The following SPTBN5 variants were observed in gnomAD, a reference collection of about 807,000 sequenced individuals.
SPTBN5 encodes spectrin beta, non-erythrocytic 5, also known as spectrin beta chain, non-erythrocytic 5.
A neutral mutation model predicts 477.6 loss-of-function variants in SPTBN5; 513 were observed. The ratio of observed to expected loss-of-function variants is 1.07; its 90% confidence interval spans 1.00 to 1.16. SPTBN5 has a LOEUF of 1.16. Ranked by LOEUF, SPTBN5 falls within the 50% of genes most tolerant of loss-of-function variation. The probability of loss-of-function intolerance (pLI) is 0.00; values close to 1 mark genes in which losing one functional copy is unlikely to be tolerated. For missense variants in SPTBN5, 5,062 were observed against 4,731.8 expected, an observed-to-expected ratio of 1.07 and a Z score of -2.05; for synonymous variants, 2,169 against 2,011.7, an observed-to-expected ratio of 1.08 and a Z score of -2.09.
chr15:41,863,627 G>A, intron 41 of SPTBN5, 77 bp downstream of exon 41: 2 of 1,171,332 alleles, frequency 1.7e-6, no homozygotes, highest in South Asian at 2.6e-5. Context: ...GGAGACGCAT[G>A]GGAGACTCTA....
At position 41,860,822 on chromosome 15, in the gene SPTBN5, C is replaced by T. The variant is rs145768670; in HGVS notation, c.7816-64G>A. 5.7e-6 allele frequency: 8 copies of T among 1,393,846 alleles called. No homozygotes were observed. The African/African-American group carries it at 7.4e-5, about 13-fold the overall frequency. The allele number at this position is 1,393,846 out of a possible 1,614,324, so 86.3% of individuals were successfully genotyped here. A position where few individuals can be genotyped will look rare whatever the true frequency, so the allele number is the denominator to read the frequency against. The stretch of plus-strand genomic sequence containing the variant: ...CCCCCTCCCATCCCAGGCTACCTGC[C>T]TTCCCACCTAGAACCATCCTACCAA... On this transcript the variant is annotated intron_variant, in intron 46 of 67. Coordinates refer to ENST00000320955, the MANE Select transcript of SPTBN5 (RefSeq NM_016642.4).
At position 41,874,376 on chromosome 15, in the gene SPTBN5, C is replaced by T; in HGVS notation, c.4605G>A (p.Trp1535Ter). 6.2e-7 allele frequency: 1 copy of T among 1,613,806 alleles called. No individual in the cohort carries two copies. Among genetic ancestry groups the T allele is most frequent in the Non-Finnish European group, 8.5e-7 (1 of 1,179,862 alleles). The change falls in exon 24 of 68, where the codon TGG becomes TGA. Residue 1535 changes from tryptophan to a stop codon, truncating the protein, a stop_gained. Transcript: ENST00000320955. LOFTEE classifies it high-confidence loss of function. ...FCHLSNMELS[W>*]VAEHMPHGSP... is the part of the protein sequence containing the mutation. ...TGCCATGGGGCATGTGCTCGGCTAC[C>T]CAAGAGAGCTCCATGTTGCTCAGGT...
rs2065910466 is a variant in SPTBN5, at chr15:41,855,637, T to C, written c.9130A>G (p.Thr3044Ala). 6.2e-7 allele frequency: 1 copy of C among 1,609,354 alleles called. No homozygotes were observed. Among genetic ancestry groups the C allele is most frequent in the Non-Finnish European group, 8.5e-7 (1 of 1,179,292 alleles). ...TQALLRRLEA[T>A]KRDLEAFSPR... ...CTGAACGCTTCCAGGTCTCTCTTGG[T>C]GGCCTCCAGCCGCCGCAGAAGGGCC... Residue 3044 changes from threonine (T) to alanine (A), a missense_variant, in exon 54 of 68, where the codon ACC becomes GCC. By Grantham distance (58) the Thr-to-Ala change is moderately conservative (BLOSUM62 0). Transcript: ENST00000320955.
At chr15:41,878,932 G>C (rs981513695) in intron 16 of SPTBN5, among the ~76,000 whole-genome samples, 4 of 152,224 alleles carry the variant, frequency 2.6e-5, no homozygotes, top group African/African-American at 4.8e-5. Flanking sequence ...CAGGCATGGT[G>C]GTGGGCGCCT....
intron 26 of SPTBN5, 113 bp from the exon 27 acceptor site, chr15:41,872,572 G>T: frequency 8.7e-7 from 1 of 1,153,780 alleles, no homozygotes; most frequent in Non-Finnish European, 1.2e-6. Flanking sequence ...CCACTCACAC[G>T]CCCATCCATC....
At chr15:41,867,356 TC>T (rs1232499637) in intron 35 of SPTBN5, among the ~76,000 whole-genome samples, 181 bp downstream of exon 35, 1 of 151,898 alleles carries the variant, frequency 6.6e-6, no homozygotes, top group Non-Finnish European at 1.5e-5. Context: ...GTGGCCCATC[TC>T]CCCCTGGGCC....
In SPTBN5 at chr15:41,875,527, G is replaced by A; in HGVS notation, c.4218C>T (p.Arg1406=). Residue 1406 remains arginine, a synonymous_variant, in exon 22 of 68, where the codon CGC becomes CGT. Transcript: ENST00000320955. ...GLRSKWEALN[R]KMTERGDELQ... ...GCTCGTCCCCACGCTCAGTCATCTT[G>A]CGGTTCAAAGCTTCCCACTTGCTTC... is the stretch of plus-strand genomic sequence containing the variant. 6.2e-7 allele frequency: 1 copy of A among 1,612,250 alleles called. No homozygotes were observed. The highest frequency in any genetic ancestry group is 1.1e-5 in the South Asian group (1 of 90,454).
rs1595457841 is a variant in SPTBN5, at chr15:41,861,512, A to G, written c.7738-16T>C. 6.2e-7 allele frequency: 1 copy of G among 1,613,016 alleles called. No individual in the cohort carries two copies. Among genetic ancestry groups the G allele is most frequent in the Middle Eastern group, 1.6e-4 (1 of 6,062 alleles). ...TCAGAAACAGCTGAGAACAAAGGAA[A>G]AGGCAAGAGACAGTCGGTGGAGGGT... On this transcript the variant is annotated splice_polypyrimidine_tract_variant and intron_variant, in intron 45 of 67. Coordinates refer to ENST00000320955, the MANE Select transcript of SPTBN5 (RefSeq NM_016642.4).
In SPTBN5 at chr15:41,863,928, G is replaced by A. The variant is rs752208144; in HGVS notation, c.7015C>T (p.Arg2339Ter). 43 of 1,613,724 alleles carry A rather than the reference G, an allele frequency of 2.7e-5. No individual in the cohort carries two copies. The highest frequency in any genetic ancestry group is 1.7e-4 in the Admixed American group (10 of 60,004). Residue 2339 changes from arginine to a stop codon, truncating the protein, a stop_gained, in exon 40 of 68, where the codon CGA becomes TGA. Coordinates refer to ENST00000320955, the MANE Select transcript of SPTBN5 (RefSeq NM_016642.4). LOFTEE classifies it high-confidence loss of function. ...ACTGGCCTGTTGTTGAGCTGGCTTC[G>A]CCGCTGGCAGATGATCTTGACTTCC... ...PEEVKIICQR[R>*]SQLNNRWASF...
At chr15:41,876,698 C>T (rs2066745588) in intron 19 of SPTBN5, 51 bp from the exon 20 acceptor site, 1 of 1,586,852 alleles carries the variant, frequency 6.3e-7, no homozygotes, top group Non-Finnish European at 8.6e-7. Context: ...ACTCCCACCC[C>T]AGCACGAGGT....
In SPTBN5 at chr15:41,862,640, G is replaced by A. The variant is rs1469790744; in HGVS notation, c.7284C>T (p.Gly2428=). The A allele has an allele frequency of 1.3e-6, 2 of 1,554,760 alleles. No homozygotes were observed. Among genetic ancestry groups the A allele is most frequent in the African/African-American group, 1.4e-5 (1 of 73,612 alleles). Residue 2428 remains glycine, a synonymous_variant, in exon 43 of 68, where the codon GGC becomes GGT. Coordinates refer to ENST00000320955, the MANE Select transcript of SPTBN5 (RefSeq NM_016642.4). ...CCTCGGGGCTTCTTTGGCAGAGGCG[G>A]CCCACTTCACGCTCTAGGGACTGCG... ...AQVESLEREV[G]RLCQRSPEAA...
At position 41,853,669 on chromosome 15, in the gene SPTBN5, G is replaced by C. The variant is rs1443217391; in HGVS notation, c.9893C>G (p.Thr3298Ser). 1 of 1,600,406 alleles carries C rather than the reference G, an allele frequency of 6.2e-7. No homozygotes were observed. The highest frequency in any genetic ancestry group is 1.1e-5 in the South Asian group (1 of 90,194). The part of the protein sequence containing the change: ...GLAKVQEAWA[T>S]LQAKAQERGQ... The stretch of plus-strand genomic sequence containing the variant: ...TCGCTCCTGGGCCTTCGCCTGCAGG[G>C]TGGCCCAGGCCTCCTGCACCTTGGC... Residue 3298 changes from threonine (T) to serine (S), a missense_variant, in exon 58 of 68, where the codon ACC becomes AGC. Transcript: ENST00000320955.
At chr15:41,872,525 C>T in intron 26 of SPTBN5, 66 bp from the exon 27 acceptor site, 1 of 1,489,196 alleles carries the variant, frequency 6.7e-7, no homozygotes, top group Non-Finnish European at 9.0e-7. Context: ...TGTCCGTCCC[C>T]CACCCATCCA....
At chr15:41,866,864 C>A in intron 36 of SPTBN5, 95 bp downstream of exon 36, 5 of 1,424,200 alleles carry the variant, frequency 3.5e-6, no homozygotes, top group Non-Finnish European at 4.6e-6. Flanking sequence ...CACCCCCGAA[C>A]CTGTTTCCGC....
Position 41,866,174 on chromosome 15 carries a change from C to G in SPTBN5, c.6686G>C (p.Arg2229Pro). 2 of 1,571,610 alleles carry G rather than the reference C, an allele frequency of 1.3e-6. No homozygotes were observed. Among genetic ancestry groups the G allele is most frequent in the Non-Finnish European group, 1.7e-6 (2 of 1,160,068 alleles). ...SHPRAGEVSQ[R>P]LQGLRKHWED... Reference sequence around the variant, plus strand: ...CCAGTGCTTCCGCAGGCCCTGCAGCCGCTGGGAGACCTCTCCGGCTCGAGG... The same window carrying G: ...CCAGTGCTTCCGCAGGCCCTGCAGCGGCTGGGAGACCTCTCCGGCTCGAGG... Residue 2229 changes from arginine to proline, a missense_variant, in exon 38 of 68, where the codon CGG becomes CCG. Arg to Pro is a moderately radical substitution (Grantham distance 103). Coordinates refer to ENST00000320955, the MANE Select transcript of SPTBN5 (RefSeq NM_016642.4).
At chr15:41,854,695 G>T in intron 56 of SPTBN5, 87 bp downstream of exon 56, 1 of 1,217,580 alleles carries the variant, frequency 8.2e-7, no homozygotes, top group African/African-American at 1.5e-5. Flanking sequence ...TGTCTTGTTG[G>T]AACCAAAGCC....
rs759265201 is a variant in SPTBN5, at chr15:41,855,442, G to A, written c.9219-14C>T. On this transcript the variant is annotated splice_polypyrimidine_tract_variant and intron_variant, in intron 54 of 67. Coordinates refer to ENST00000320955, the MANE Select transcript of SPTBN5 (RefSeq NM_016642.4). ...AGCACCTTGGGGCTGTGGGAAGAGA[G>A]CGACAGTCTGGACTGCAGCCCTGCC... The A allele has an allele frequency of 1.3e-5, 20 of 1,597,374 alleles. No homozygotes were observed. Among genetic ancestry groups the A allele is most frequent in the South Asian group, 4.4e-5 (4 of 90,412 alleles).
At chr15:41,860,958 G>A (rs1012833333) in intron 46 of SPTBN5, among the ~76,000 whole-genome samples, 200 bp from the exon 47 acceptor site, 1 of 152,258 alleles carries the variant, frequency 6.6e-6, no homozygotes, top group African/African-American at 2.4e-5. Flanking sequence ...TTGGATTAGG[G>A]ATCAAGAGCC....
intron 15 of SPTBN5, 109 bp downstream of exon 15, chr15:41,879,625 C>T (rs1407821469): frequency 7.0e-6 from 11 of 1,573,538 alleles, no homozygotes; most frequent in African/African-American, 2.7e-5. Context: ...CCCTGTGCCT[C>T]GGACACGTCC....
Sources: gnomAD v4.1 joint callset for allele counts (sites outside exome capture counted in the v4.1 genomes callset) on GRCh38, gnomAD v4.1.1 for gene constraint, MANE v1.5 for transcripts, NCBI Gene and HGNC (gene_info 2026-07-23, HGNC 2026-07-21) for gene names.